Variants in TCAIM observed in about 807,000 individuals in gnomAD.
TCAIM encodes the protein T-cell activation inhibitor, mitochondrial.
TCAIM carries 36 observed loss-of-function variants against 58.6 expected under a neutral mutation model. The ratio of observed to expected loss-of-function variants is 0.61; its 90% confidence interval spans 0.47 to 0.81. The LOEUF is 0.81. TCAIM is among the 30% of genes least tolerant of loss of function. The pLI is 0.00. For synonymous variants in TCAIM, 172 were observed against 193.6 expected (o/e 0.89, Z 0.93); for missense variants, 466 against 579.6 (o/e 0.80, Z 2.01).
chr3:44,342,856 G>A (rs753557266), intron 1 of TCAIM, among the ~76,000 whole-genome samples: 1 of 151,996 alleles, frequency 6.6e-6, no homozygotes, highest in Non-Finnish European at 1.5e-5. Context: ...ACATTTTAAG[G>A]CTGGACACAG....
intron 4 of TCAIM, among the ~76,000 whole-genome samples, chr3:44,363,269 G>T (rs1293041681): frequency 6.6e-6 from 1 of 152,120 alleles, no homozygotes; most frequent in Non-Finnish European, 1.5e-5. Context: ...CCAGTGTTTT[G>T]ATTTGTATAC....
Position 44,396,423 on chromosome 3 carries a change from C to A in TCAIM, c.719C>A (p.Ala240Asp). 6.2e-7 allele frequency: 1 copy of A among 1,613,588 alleles called. No homozygotes were observed. Among genetic ancestry groups the A allele is most frequent in the Non-Finnish European group, 8.5e-7 (1 of 1,179,876 alleles). ...DIRWQRSWGI[A>D]HRCSQLHSLS... ...AGGTGGCAGAGGAGCTGGGGCATCG[C>A]CCACCGCTGTAGCCAGCTGCATAGT... The change falls in exon 7 of 11, where the codon GCC becomes GAC. Residue 240 changes from alanine to aspartate, a missense_variant. Physicochemically the swap from Ala to Asp is moderately radical, Grantham distance 126. Coordinates refer to ENST00000342649, the MANE Select transcript of TCAIM (RefSeq NM_173826.4).
At chr3:44,377,706 A>G (rs1001649505) in intron 5 of TCAIM, among the ~76,000 whole-genome samples, 4 of 152,218 alleles carry the variant, frequency 2.6e-5, no homozygotes, top group Non-Finnish European at 5.9e-5. Flanking sequence ...TTAGAAATCA[A>G]CAACAGAAGT....
rs1701684102 is a variant in TCAIM at position 44,383,371 on chromosome 3, A to ATTT, written c.573-9484_573-9483insTTT. Among the ~76,000 whole-genome samples, 15 of 152,302 alleles carry ATTT rather than the reference A, an allele frequency of 9.8e-5. No individual in the cohort carries two copies. In the South Asian group the frequency reaches 2.9e-3, roughly 29 times the overall value. ...CCTACAGTGGAATGTTAGCCTTAAAAAGGAAGGAATTCTGACACAGGCTAC... is the reference window on the plus strand; with the variant it reads ...CCTACAGTGGAATGTTAGCCTTAAAATTTAGGAAGGAATTCTGACACAGGCTAC... On this transcript the variant is annotated intron_variant, in intron 5 of 10. Coordinates refer to ENST00000342649, the MANE Select transcript of TCAIM (RefSeq NM_173826.4).
chr3:44,389,870 CT>C (rs1157802813), intron 5 of TCAIM, among the ~76,000 whole-genome samples: 1 of 152,036 alleles, frequency 6.6e-6, no homozygotes, highest in Admixed American at 6.6e-5. Context: ...CTCTTATGCC[CT>C]TCTCTCCCTC....
At chr3:44,347,192 T>C (rs887699049) in intron 1 of TCAIM, among the ~76,000 whole-genome samples, 4 of 151,874 alleles carry the variant, frequency 2.6e-5, no homozygotes, top group African/African-American at 4.8e-5. Context: ...AGGAAGAAAT[T>C]TGGGTTTTGG....
At chr3:44,398,413 C>T (rs1442081642) in intron 8 of TCAIM, among the ~76,000 whole-genome samples, 1 of 146,602 alleles carries the variant, frequency 6.8e-6, no homozygotes, top group Non-Finnish European at 1.5e-5. Context: ...CTGGGCAACA[C>T]AGCGAGACTG....
intron 1 of TCAIM, among the ~76,000 whole-genome samples, chr3:44,345,735 T>C (rs376858753): frequency 1.3e-5 from 2 of 152,062 alleles, no homozygotes; most frequent in East Asian, 1.9e-4. Flanking sequence ...AAGTAAAGAA[T>C]AGGACTTCAT....
At chr3:44,357,687 ATT>A (rs1458635689) in intron 2 of TCAIM, 52 bp from the exon 3 acceptor site, 6 of 1,595,990 alleles carry the variant, frequency 3.8e-6, no homozygotes, top group Non-Finnish European at 5.1e-6. Context: ...TACATTGAGG[ATT>A]TGTGTGTGTG....
At chr3:44,346,693 G>A (rs1460267835) in intron 1 of TCAIM, among the ~76,000 whole-genome samples, 1 of 152,174 alleles carries the variant, frequency 6.6e-6, no homozygotes, top group East Asian at 1.9e-4. Flanking sequence ...CATAGTTTGT[G>A]ATTTTGAGGG....
At position 44,401,289 on chromosome 3, in the gene TCAIM, T is replaced by G. The variant is rs370273518; in HGVS notation, c.1205T>G (p.Leu402Arg). 143 of 1,613,904 alleles carry G rather than the reference T, an allele frequency of 8.9e-5. No individual in the cohort carries two copies. Among genetic ancestry groups the G allele is most frequent in the Non-Finnish European group, 1.2e-4 (137 of 1,179,988 alleles). ...CCAGCAAATCTCCAGTGGTTTATTCTCACCAAAGCTCAGCAGGCAAGAGAG... is the reference window on the plus strand; with the variant it reads ...CCAGCAAATCTCCAGTGGTTTATTCGCACCAAAGCTCAGCAGGCAAGAGAG... ...CDPANLQWFI[L>R]TKAQQARENM... Residue 402 changes from leucine to arginine, a missense_variant, in exon 10 of 11, where the codon CTC becomes CGC. Physicochemically the swap from Leu to Arg is moderately radical, Grantham distance 102 (BLOSUM62 -2). Transcript: ENST00000342649.
chr3:44,367,369 A>G (rs980453869), intron 4 of TCAIM, 87 bp from the exon 5 acceptor site: 4 of 1,327,736 alleles, frequency 3.0e-6, no homozygotes, highest in Admixed American at 6.5e-5. Flanking sequence ...TCAGTAATAG[A>G]ATGTTTAAAA....
intron 8 of TCAIM, among the ~76,000 whole-genome samples, chr3:44,398,470 TAGATAGATAGA>T (rs1575279179): frequency 6.6e-6 from 1 of 151,588 alleles, no homozygotes; most frequent in East Asian, 1.9e-4. Flanking sequence ...GATAGATAGA[TAGATAGATAGA>T]TAGATAGATA....
intron 5 of TCAIM, among the ~76,000 whole-genome samples, chr3:44,392,198 T>C (rs1701849238): frequency 6.6e-6 from 1 of 152,214 alleles, no homozygotes; most frequent in Non-Finnish European, 1.5e-5. Flanking sequence ...TGTTGGCAGT[T>C]CTCCAAGCAA....
In TCAIM at chr3:44,358,089, A is replaced by C. The variant is rs138505897; in HGVS notation, c.165+213A>C. The C allele has an allele frequency of 1.1e-3, 1,517 of 1,402,164 alleles. 14 individuals carry two copies. The African/African-American group carries it at 0.02, about 18-fold the overall frequency. The allele number at this position is 1,402,164 out of a possible 1,614,324, so 86.9% of individuals were successfully genotyped here. The stretch of plus-strand genomic sequence containing the variant: ...GTTTTGTGCAGGCAATAAAGCTGTC[A>C]TTTAAACTCTTTAGAGTACTAGTAA... On this transcript the variant is annotated intron_variant, in intron 3 of 10. Coordinates refer to ENST00000342649, the MANE Select transcript of TCAIM (RefSeq NM_173826.4).
At chr3:44,364,466 G>A (rs1055143236) in intron 4 of TCAIM, among the ~76,000 whole-genome samples, 8 of 152,102 alleles carry the variant, frequency 5.3e-5, no homozygotes, top group Non-Finnish European at 1.0e-4. Flanking sequence ...TAGGCCATGC[G>A]TGGTGGCTCA....
intron 1 of TCAIM, among the ~76,000 whole-genome samples, chr3:44,348,367 G>A (rs1018085286): frequency 6.6e-6 from 1 of 152,048 alleles, no homozygotes; most frequent in Non-Finnish European, 1.5e-5. Context: ...ACAGCTCCCG[G>A]GCAAGTTGGA....
intron 3 of TCAIM, among the ~76,000 whole-genome samples, chr3:44,360,562 GT>G (rs1701279531): frequency 6.7e-6 from 1 of 148,226 alleles, no homozygotes; most frequent in Admixed American, 6.7e-5. Flanking sequence ...TTCCTGTTTC[GT>G]TTACCCAGTT....
intron 4 of TCAIM, among the ~76,000 whole-genome samples, chr3:44,366,755 C>T (rs559312193): frequency 3.3e-5 from 5 of 151,926 alleles, no homozygotes; most frequent in South Asian, 2.1e-4. Context: ...CATGAGCCAC[C>T]GCGCCCGGCC....
Sources: allele counts gnomAD v4.1 joint callset (sites outside exome capture counted in the v4.1 genomes callset), GRCh38; gene constraint gnomAD v4.1.1; transcripts MANE v1.5; gene names NCBI Gene and HGNC (gene_info 2026-07-23, HGNC 2026-07-21).